Variants in D2HGDH observed in about 807,000 individuals in gnomAD.
The protein encoded by D2HGDH is D-2-hydroxyglutarate dehydrogenase, also known as D-2-hydroxyglutarate dehydrogenase, mitochondrial.
Under a neutral mutation model 46.9 loss-of-function variants are expected in D2HGDH, and 31 were observed. The observed-to-expected ratio is 0.66, with a 90% CI of 0.50 to 0.89. The LOEUF (loss-of-function observed/expected upper bound fraction) is 0.89, where lower values mean the gene tolerates loss of function less well. Among genes scored for constraint, D2HGDH ranks in the 40% least tolerant of loss-of-function variants. The pLI is 0.00. For missense variants in D2HGDH, 698 were observed against 720.8 expected (o/e 0.97, Z 0.36); for synonymous variants, 364 against 332.6 (o/e 1.09, Z -1.03).
At chr2:241,759,642 G>A (rs1331521747) in intron 9 of D2HGDH, among the ~76,000 whole-genome samples, 1 of 152,110 alleles carries the variant, frequency 6.6e-6, no homozygotes, top group Non-Finnish European at 1.5e-5. Context: ...ACGTGCTGTG[G>A]CCCACTGTTT....
intron 2 of D2HGDH, among the ~76,000 whole-genome samples, chr2:241,739,953 TG>T (rs1693994397): frequency 6.6e-6 from 1 of 152,184 alleles, no homozygotes; most frequent in Non-Finnish European, 1.5e-5. Flanking sequence ...AAGATCAGAC[TG>T]GGGAACATGG....
intron 6 of D2HGDH, among the ~76,000 whole-genome samples, chr2:241,745,124 A>C (rs1426795428): frequency 6.6e-6 from 1 of 152,210 alleles, no homozygotes; most frequent in African/African-American, 2.4e-5. Context: ...TTCATTTCAT[A>C]AGAAAACAGG....
At chr2:241,760,739 G>A (rs1397027224) in intron 9 of D2HGDH, among the ~76,000 whole-genome samples, 1 of 152,282 alleles carries the variant, frequency 6.6e-6, no homozygotes, top group Non-Finnish European at 1.5e-5. Context: ...AGAAATCTAA[G>A]ATCTCTTAAG....
Position 241,742,946 on chromosome 2 carries a change from G to A in D2HGDH, c.490+372G>A, listed in dbSNP as rs1462796941. Among the ~76,000 whole-genome samples the A allele has an allele frequency of 8.4e-6, 1 of 118,396 alleles. No homozygotes were observed. The highest frequency in any genetic ancestry group is 1.7e-5 in the Non-Finnish European group (1 of 59,136). 77.7% of individuals were successfully genotyped at this position (118,396 alleles called of 152,430 possible). A position where few individuals can be genotyped will look rare whatever the true frequency, so the allele number is the denominator to read the frequency against. ...AGGGGATCCTGACCCAGGGCGCCAG[G>A]GCGTGGCAGGCGTGAGGGGATCCTG... On this transcript the variant is annotated intron_variant, in intron 4 of 9. Transcript: ENST00000321264. The surrounding 1 kb of genome is among the most constrained non-coding windows in gnomAD (Gnocchi z 4.8).
At chr2:241,748,477 C>T (rs546030381) in intron 6 of D2HGDH, among the ~76,000 whole-genome samples, 1 of 152,334 alleles carries the variant, frequency 6.6e-6, no homozygotes, top group Admixed American at 6.5e-5. Flanking sequence ...TTTCACTGGG[C>T]ACTGGGTCAC....
At chr2:241,763,138 C>G (rs541171081) in intron 9 of D2HGDH, among the ~76,000 whole-genome samples, 1 of 152,322 alleles carries the variant, frequency 6.6e-6, no homozygotes, top group South Asian at 2.1e-4. Flanking sequence ...TGCAGGCCGC[C>G]GTTGCTCGGG....
chr2:241,742,706 G>C lies in D2HGDH; in HGVS notation c.490+132G>C. 8.2e-7 allele frequency: 1 copy of C among 1,219,356 alleles called. No individual in the cohort carries two copies. The highest frequency in any genetic ancestry group is 1.2e-6 in the Non-Finnish European group (1 of 839,404). 75.5% of individuals were successfully genotyped at this position (1,219,356 alleles called of 1,614,324 possible). ...AGGGCCGGCGCTGGGGAAAGAACCA[G>C]CGTCTGTAGCCTGGCCGCCTAGCCC... On this transcript the variant is annotated intron_variant, in intron 4 of 9. Coordinates refer to ENST00000321264, the MANE Select transcript of D2HGDH (RefSeq NM_152783.5). The surrounding 1 kb of genome is among the most constrained non-coding windows in gnomAD (Gnocchi z 4.8).
intron 9 of D2HGDH, among the ~76,000 whole-genome samples, chr2:241,758,357 G>A (rs1312206023): frequency 2.0e-5 from 3 of 152,160 alleles, no homozygotes; most frequent in South Asian, 2.1e-4. Context: ...TTCTTCAATA[G>A]CTTTAGGACT....
chr2:241,735,449 C>G lies in D2HGDH; in HGVS notation c.225C>G (p.Pro75=). The change falls in exon 2 of 10, where the codon CCC becomes CCG. Residue 75 remains proline (P), a synonymous_variant. Coordinates refer to ENST00000321264, the MANE Select transcript of D2HGDH (RefSeq NM_152783.5). ...QDLAAFERIV[P]GGVVTDPEAL... ...TGGCCGCCTTTGAGCGCATCGTGCC[C>G]GGCGGGGTCGTCACGGACCCGGAAG... is the stretch of plus-strand genomic sequence containing the variant. 5 of 1,609,760 alleles carry G rather than the reference C, an allele frequency of 3.1e-6. No individual in the cohort carries two copies. The South Asian group carries it at 3.3e-5, about 11-fold the overall frequency.
Position 241,751,287 on chromosome 2 carries a change from G to T in D2HGDH, c.1039G>T (p.Ala347Ser). 6.2e-7 allele frequency: 1 copy of T among 1,613,970 alleles called. No individual in the cohort carries two copies. The highest frequency in any genetic ancestry group is 8.5e-7 in the Non-Finnish European group (1 of 1,180,026). The change falls in exon 8 of 10, where the codon GCA (alanine) becomes TCA (serine). Residue 347 changes from alanine (A) to serine (S), a missense_variant. Coordinates refer to ENST00000321264, the MANE Select transcript of D2HGDH (RefSeq NM_152783.5). Reference protein sequence around the residue: ...YVLIETSGSNAGHDAEKLGHF... With the variant: ...YVLIETSGSNSGHDAEKLGHF... Reference sequence around the variant, plus strand: ...CCTCATCGAGACTTCAGGCTCCAACGCAGGCCATGACGCTGAGAAGCTGGG... The same window carrying T: ...CCTCATCGAGACTTCAGGCTCCAACTCAGGCCATGACGCTGAGAAGCTGGG...
chr2:241,755,003 C>T (rs919488310), intron 8 of D2HGDH: 15 of 1,262,888 alleles, frequency 1.2e-5, no homozygotes, highest in Non-Finnish European at 1.4e-5. Flanking sequence ...GGTGGTCCTG[C>T]AGCCCACAGA....
At position 241,767,931 on chromosome 2, in the gene D2HGDH, A is replaced by G. The variant is rs749622678; in HGVS notation, c.1528A>G (p.Ile510Val). ...CAAGGCCCTGCTGGACCCCAAGGGC[A>G]TCCTCAACCCCTACAAGACGCTGCC... is the stretch of plus-strand genomic sequence containing the variant. ...QLKALLDPKGILNPYKTLPSQ... is the reference protein window; with the variant it reads ...QLKALLDPKGVLNPYKTLPSQ... Residue 510 changes from isoleucine (I) to valine (V), a missense_variant, in exon 10 of 10, where the codon ATC (isoleucine) becomes GTC (valine). Ile to Val is a conservative substitution (Grantham distance 29). Transcript: ENST00000321264. 2.5e-5 allele frequency: 40 copies of G among 1,600,176 alleles called. No homozygotes were observed. The highest frequency in any genetic ancestry group is 1.0e-4 in the Admixed American group (6 of 58,234).
At position 241,768,293 on chromosome 2, in the gene D2HGDH, T is replaced by C; in HGVS notation, c.*324T>C. The C allele has an allele frequency of 3.0e-6, 1 of 331,524 alleles. No individual in the cohort carries two copies. 20.5% of individuals were successfully genotyped at this position (331,524 alleles called of 1,614,324 possible). A position where few individuals can be genotyped will look rare whatever the true frequency, so the allele number is the denominator to read the frequency against. On this transcript the variant is annotated 3_prime_UTR_variant, in exon 10 of 10. Transcript: ENST00000321264. ...TTGCGTGGTGGCCCCTGGCCCCATC[T>C]TGCCTGCTGCGGCCTGGGGAGCAGG...
chr2:241,752,560 C>G (rs1421878921), intron 8 of D2HGDH, among the ~76,000 whole-genome samples: 1 of 152,088 alleles, frequency 6.6e-6, no homozygotes, highest in Non-Finnish European at 1.5e-5. Flanking sequence ...CCTGTGGCTT[C>G]CAGTCCAGGG....
Position 241,767,771 on chromosome 2 carries a change from C to G in D2HGDH, c.1368C>G (p.Ala456=). Residue 456 remains alanine (A), a synonymous_variant, in exon 10 of 10, where the codon GCC becomes GCG. Coordinates refer to ENST00000321264, the MANE Select transcript of D2HGDH (RefSeq NM_152783.5). ...AEAFSPSLLA[A]LEPHVYEWTA... ...CCTTCAGCCCCTCGCTCCTGGCTGCCCTGGAGCCCCACGTGTACGAGTGGA... is the reference window on the plus strand; with the variant it reads ...CCTTCAGCCCCTCGCTCCTGGCTGCGCTGGAGCCCCACGTGTACGAGTGGA... 1 of 1,612,566 alleles carries G rather than the reference C, an allele frequency of 6.2e-7. No individual in the cohort carries two copies. Among genetic ancestry groups the G allele is most frequent in the Non-Finnish European group, 8.5e-7 (1 of 1,179,580 alleles).
chr2:241,735,157 C>T lies in D2HGDH; in HGVS notation c.-68C>T. On this transcript the variant is annotated 5_prime_UTR_variant, in exon 2 of 10. Coordinates refer to ENST00000321264, the MANE Select transcript of D2HGDH (RefSeq NM_152783.5). ...GGCGCGCAGCCAGCGGCTCCCTGCC[C>T]TTCCCCTCCGGGCCCTGAGTACCGG... 4 of 1,419,928 alleles carry T rather than the reference C, an allele frequency of 2.8e-6. No individual in the cohort carries two copies. The allele number at this position is 1,419,928 out of a possible 1,614,324, so 88.0% of individuals were successfully genotyped here.
At chr2:241,736,438 A>G (rs151112296) in intron 2 of D2HGDH, among the ~76,000 whole-genome samples, 1 of 128,606 alleles carries the variant, frequency 7.8e-6, no homozygotes. Context: ...CGCTCCCTCC[A>G]AAGCCTCCAG....
intron 8 of D2HGDH, chr2:241,755,449 C>G (rs1193846652): frequency 7.6e-7 from 1 of 1,313,266 alleles, no homozygotes; most frequent in East Asian, 5.3e-5. Context: ...CCTTGCCACT[C>G]TGTGCCGTGT....
chr2:241,749,339 T>G lies in D2HGDH; in HGVS notation c.854-812T>G, dbSNP rs1281255723. The G allele has an allele frequency of 3.9e-6, 5 of 1,288,292 alleles. No homozygotes were observed. In the African/African-American group the frequency reaches 7.6e-5, roughly 20 times the overall value. The allele number at this position is 1,288,292 out of a possible 1,614,324, so 79.8% of individuals were successfully genotyped here. A position where few individuals can be genotyped will look rare whatever the true frequency, so the allele number is the denominator to read the frequency against. ...CTCTGCGCCTGTGAGACCTTCTCTC[T>G]GGAAAATTCTTCTCTGATATCCACA... On this transcript the variant is annotated intron_variant, in intron 6 of 9. Coordinates refer to ENST00000321264, the MANE Select transcript of D2HGDH (RefSeq NM_152783.5).
Sources: allele counts gnomAD v4.1 joint callset (sites outside exome capture counted in the v4.1 genomes callset), GRCh38; gene constraint gnomAD v4.1.1; non-coding constraint Gnocchi (gnomAD v3.1); transcripts MANE v1.5; gene names NCBI Gene and HGNC (gene_info 2026-07-23, HGNC 2026-07-21).